Variants in NCAPH observed in about 807,000 individuals in gnomAD.
NCAPH encodes the protein condensin complex subunit 2.
Under a neutral mutation model 85.5 loss-of-function variants are expected in NCAPH, and 38 were observed. The observed-to-expected ratio is 0.44, with a 90% confidence interval of 0.34 to 0.58. NCAPH has a LOEUF of 0.58. NCAPH is among the 20% of genes least tolerant of loss of function. NCAPH has a pLI of 0.01. For missense variants in NCAPH, 789 were observed against 916.6 expected (o/e 0.86, Z 1.80); for synonymous variants, 301 against 335.1 (o/e 0.90, Z 1.11).
intron 17 of NCAPH, among the ~76,000 whole-genome samples, chr2:96,372,811 A>G (rs2064791347): frequency 6.6e-6 from 1 of 152,198 alleles, no homozygotes; most frequent in Non-Finnish European, 1.5e-5. Flanking sequence ...GATCATAAGT[A>G]TGTATGTATA....
At chr2:96,367,225 C>A in intron 14 of NCAPH, 32 bp from the exon 15 acceptor site, 1 of 1,459,916 alleles carries the variant, frequency 6.8e-7, no homozygotes. Context: ...CTTTATTCTG[C>A]TTAGTTTTAC....
At chr2:96,350,883 G>C (rs2064431700) in intron 6 of NCAPH, among the ~76,000 whole-genome samples, 1 of 152,212 alleles carries the variant, frequency 6.6e-6, no homozygotes, top group Non-Finnish European at 1.5e-5. Context: ...AAGGTCACCT[G>C]CAGAGTCCCA....
intron 3 of NCAPH, among the ~76,000 whole-genome samples, 188 bp from the exon 4 acceptor site, chr2:96,342,568 T>A (rs2064310787): frequency 6.6e-6 from 1 of 152,228 alleles, no homozygotes; most frequent in Admixed American, 6.5e-5. Flanking sequence ...GTGCCGTCAT[T>A]CCCTAGCCTT....
chr2:96,359,420 G>A, intron 10 of NCAPH: 1 of 534,730 alleles, frequency 1.9e-6, no homozygotes, highest in Non-Finnish European at 3.3e-6. Flanking sequence ...ACTGGAGTCA[G>A]GAGAACTGGA....
At chr2:96,371,396 G>A (rs1046250636) in intron 17 of NCAPH, among the ~76,000 whole-genome samples, 1 of 152,170 alleles carries the variant, frequency 6.6e-6, no homozygotes, top group African/African-American at 2.4e-5. Context: ...TTCTCTGGGT[G>A]GTGTGTCTCC....
At chr2:96,358,617 C>G (rs995406275) in intron 9 of NCAPH, among the ~76,000 whole-genome samples, 1 of 151,650 alleles carries the variant, frequency 6.6e-6, no homozygotes, top group Non-Finnish European at 1.5e-5. Flanking sequence ...TACAGGCGCC[C>G]GCCACCACGC....
At position 96,374,890 on chromosome 2, in the gene NCAPH, G is replaced by T. The variant is rs1378670797; in HGVS notation, c.*1539G>T. ...CTTCTCTATAGTGGGTTCTGGGGGTGGGGGGCTGAATTACCAGTAAAACTA... is the reference window on the plus strand; with the variant it reads ...CTTCTCTATAGTGGGTTCTGGGGGTTGGGGGCTGAATTACCAGTAAAACTA... On this transcript the variant is annotated 3_prime_UTR_variant, in exon 18 of 18. Transcript: ENST00000240423. Among the ~76,000 whole-genome samples the T allele has an allele frequency of 6.6e-6, 1 of 152,052 alleles. No individual in the cohort carries two copies. Among genetic ancestry groups the T allele is most frequent in the Non-Finnish European group, 1.5e-5 (1 of 68,022 alleles).
intron 6 of NCAPH, among the ~76,000 whole-genome samples, chr2:96,348,435 G>A (rs1456734257): frequency 2.0e-5 from 3 of 151,822 alleles, no homozygotes; most frequent in South Asian, 2.1e-4. Context: ...GTGATCCGCC[G>A]CCCGCCTCGG....
intron 3 of NCAPH, 90 bp downstream of exon 3, chr2:96,342,230 AATG>A: frequency 8.6e-7 from 1 of 1,165,558 alleles, no homozygotes; most frequent in Non-Finnish European, 1.3e-6. Flanking sequence ...ATGCACAATC[AATG>A]ATGATAATTC....
At chr2:96,362,699 C>T (rs2064642162) in intron 12 of NCAPH, among the ~76,000 whole-genome samples, 1 of 152,104 alleles carries the variant, frequency 6.6e-6, no homozygotes, top group African/African-American at 2.4e-5. Context: ...AGCAAGAGAA[C>T]CAGAATGAGA....
At chr2:96,363,256 A>G (rs2064651820) in intron 12 of NCAPH, among the ~76,000 whole-genome samples, 2 of 152,214 alleles carry the variant, frequency 1.3e-5, no homozygotes. Flanking sequence ...TGCACACTTA[A>G]TAGACTCCAG....
In NCAPH at chr2:96,343,214, G is replaced by C; in HGVS notation, c.505G>C (p.Val169Leu). ...DASTKIYAVR[V>L]DAVHADVYRV... Reference sequence around the variant, plus strand: ...CAGCACCAAGATCTATGCTGTGCGCGTGGATGCCGTCCATGCCGATGTATA... The same window carrying C: ...CAGCACCAAGATCTATGCTGTGCGCCTGGATGCCGTCCATGCCGATGTATA... Residue 169 changes from valine (V) to leucine (L), a missense_variant, in exon 5 of 18, where the codon GTG becomes CTG. Physicochemically the swap from Val to Leu is conservative, Grantham distance 32 (BLOSUM62 1). Coordinates refer to ENST00000240423, the MANE Select transcript of NCAPH (RefSeq NM_015341.5). 1 of 1,614,180 alleles carries C rather than the reference G, an allele frequency of 6.2e-7. No individual in the cohort carries two copies. Among genetic ancestry groups the C allele is most frequent in the Non-Finnish European group, 8.5e-7 (1 of 1,180,032 alleles).
chr2:96,351,675 A>C (rs921182105), intron 6 of NCAPH, among the ~76,000 whole-genome samples, 156 bp from the exon 7 acceptor site: 1 of 152,044 alleles, frequency 6.6e-6, no homozygotes. Context: ...CTCAAAAAAA[A>C]AAAAAAAAAA....
intron 6 of NCAPH, among the ~76,000 whole-genome samples, chr2:96,345,360 C>T (rs2064348746): frequency 6.6e-6 from 1 of 152,148 alleles, no homozygotes. Flanking sequence ...AGGACCCAGA[C>T]CCTGGAACGG....
chr2:96,344,180 A>G lies in NCAPH; in HGVS notation c.671A>G (p.Glu224Gly). The change falls in exon 6 of 18, where the codon GAG (glutamate) becomes GGG (glycine). Residue 224 changes from glutamate (E) to glycine (G), a missense_variant. Transcript: ENST00000240423. ...AAGAAGCACTTACACAGAACTATTG[A>G]GCAGAACATAAACAACCTCAATGTC... is the stretch of plus-strand genomic sequence containing the variant. ...PKKKHLHRTI[E>G]QNINNLNVSE... The G allele has an allele frequency of 6.2e-7, 1 of 1,613,694 alleles. No homozygotes were observed. Among genetic ancestry groups the G allele is most frequent in the East Asian group, 2.2e-5 (1 of 44,874 alleles).
Position 96,373,402 on chromosome 2 carries a change from C to G in NCAPH, c.*51C>G. 1 of 1,546,578 alleles carries G rather than the reference C, an allele frequency of 6.5e-7. No individual in the cohort carries two copies. ...GGAGGCCCATCCCTTACTCAGTTGC[C>G]GGGACATCCCCAGTCTCGGGGGAAG... is the stretch of plus-strand genomic sequence containing the variant. On this transcript the variant is annotated 3_prime_UTR_variant, in exon 18 of 18. Transcript: ENST00000240423.
rs760661353 is a variant in NCAPH, at chr2:96,369,456, A to C, written c.2122A>C (p.Ile708Leu). 6.2e-7 allele frequency: 1 copy of C among 1,613,962 alleles called. No individual in the cohort carries two copies. Among genetic ancestry groups the C allele is most frequent in the African/African-American group, 1.3e-5 (1 of 74,918 alleles). The change falls in exon 17 of 18, where the codon ATA becomes CTA. Residue 708 changes from isoleucine to leucine, a missense_variant. Physicochemically the swap from Ile to Leu is conservative, Grantham distance 5 (BLOSUM62 2). Coordinates refer to ENST00000240423, the MANE Select transcript of NCAPH (RefSeq NM_015341.5). Reference protein sequence around the residue: ...LPPVMAQNLSIPLAFACLLHL... With the variant: ...LPPVMAQNLSLPLAFACLLHL... ...CCCTGTCATGGCTCAGAACCTCTCC[A>C]TACCTCTGGCTTTTGCCTGTCTCCT...
intron 6 of NCAPH, among the ~76,000 whole-genome samples, 156 bp downstream of exon 6, chr2:96,344,385 T>G (rs769666032): frequency 6.6e-6 from 1 of 152,224 alleles, no homozygotes; most frequent in Non-Finnish European, 1.5e-5. Flanking sequence ...TCTTTTAGCT[T>G]GACAGTAAAG....
intron 9 of NCAPH, among the ~76,000 whole-genome samples, chr2:96,356,821 A>G (rs2064531403): frequency 6.6e-6 from 1 of 152,204 alleles, no homozygotes; most frequent in Non-Finnish European, 1.5e-5. Flanking sequence ...GGGTGGGGCA[A>G]TGCTGAGTGA....
Sources: gnomAD v4.1 joint callset for allele counts (sites outside exome capture counted in the v4.1 genomes callset) on GRCh38, gnomAD v4.1.1 for gene constraint, MANE v1.5 for transcripts, NCBI Gene and HGNC (gene_info 2026-07-23, HGNC 2026-07-21) for gene names.